Variants in SUFU observed in about 807,000 individuals in gnomAD.
SUFU encodes SUFU negative regulator of hedgehog signaling, also known as suppressor of fused homolog.
In SUFU, 7 loss-of-function variants were observed where a neutral mutation model predicts 58.9. That is an observed-to-expected ratio of 0.12 (90% CI 0.07 to 0.22). The LOEUF (loss-of-function observed/expected upper bound fraction) is 0.22, where lower values mean the gene tolerates loss of function less well. Ranked by LOEUF, SUFU falls within the 10% of genes least tolerant of loss-of-function variation. The pLI is 1.00. For missense variants in SUFU, 451 were observed against 641.3 expected (o/e 0.70, Z 3.20); for synonymous variants, 232 against 254.8 (o/e 0.91, Z 0.85).
chr10:102,594,577 G>A (rs2063441208), intron 6 of SUFU, among the ~76,000 whole-genome samples: 1 of 152,162 alleles, frequency 6.6e-6, no homozygotes, highest in African/African-American at 2.4e-5. Flanking sequence ...CTCCTAGCCT[G>A]GAAAGATTGG....
chr10:102,614,629 A>G (rs989605761), intron 8 of SUFU, among the ~76,000 whole-genome samples: 2 of 150,958 alleles, frequency 1.3e-5, no homozygotes, highest in Non-Finnish European at 3.0e-5. Context: ...TAATCCCAGC[A>G]CTTTGGGAGG....
At chr10:102,593,319 G>C (rs1170251673) in intron 4 of SUFU, among the ~76,000 whole-genome samples, 1 of 152,184 alleles carries the variant, frequency 6.6e-6, no homozygotes, top group African/African-American at 2.4e-5. Flanking sequence ...TACTTCCAGA[G>C]ACATGGCCTG....
At chr10:102,543,064 A>T (rs1044052868) in intron 2 of SUFU, among the ~76,000 whole-genome samples, 1 of 152,202 alleles carries the variant, frequency 6.6e-6, no homozygotes, top group African/African-American at 2.4e-5. Flanking sequence ...TTTTGCAATT[A>T]TAAGTTCTTA....
intron 7 of SUFU, 59 bp from the exon 8 acceptor site, chr10:102,599,374 G>C (rs1344978682): frequency 7.6e-7 from 1 of 1,309,196 alleles, no homozygotes; most frequent in East Asian, 2.3e-5. Flanking sequence ...TTTCAAGAGC[G>C]GGGTGAGAAT....
intron 3 of SUFU, among the ~76,000 whole-genome samples, chr10:102,592,104 A>T (rs1372386724): frequency 1.3e-5 from 2 of 152,186 alleles, no homozygotes; most frequent in African/African-American, 2.4e-5. Flanking sequence ...CCAAGGTTCG[A>T]TGTTTCCTTC....
chr10:102,541,698 T>TTTC (rs1241019115), intron 2 of SUFU, among the ~76,000 whole-genome samples: 2 of 31,666 alleles, frequency 6.3e-5, no homozygotes, highest in Non-Finnish European at 1.6e-4. Context: ...CGCGCCCGGC[T>TTTC]TTTTTTTTTT....
In SUFU at chr10:102,633,411, C is replaced by G. The variant is rs1488924535; in HGVS notation, c.*3256C>G. 2 of 232,974 alleles carry G rather than the reference C, an allele frequency of 8.6e-6. No individual in the cohort carries two copies. Among genetic ancestry groups the G allele is most frequent in the Non-Finnish European group, 1.7e-5 (2 of 117,674 alleles). The allele number at this position is 232,974 out of a possible 1,614,324, so 14.4% of individuals were successfully genotyped here. ...TTAGATGTCGTTTCCTTCTTGCCCC[C>G]TCTTCCTCTCTGTAATCTAAGTGCA... On this transcript the variant is annotated 3_prime_UTR_variant, in exon 12 of 12. Coordinates refer to ENST00000369902, the MANE Select transcript of SUFU (RefSeq NM_016169.4).
chr10:102,535,256 G>A (rs1219084314), intron 2 of SUFU, among the ~76,000 whole-genome samples: 1 of 152,202 alleles, frequency 6.6e-6, no homozygotes, highest in Admixed American at 6.5e-5. Context: ...GGAGGCTGAG[G>A]CAGGCGGATC....
At chr10:102,569,284 T>G (rs1352399483) in intron 3 of SUFU, among the ~76,000 whole-genome samples, 1 of 152,142 alleles carries the variant, frequency 6.6e-6, no homozygotes, top group Non-Finnish European at 1.5e-5. Context: ...TGTTCTCACC[T>G]GTAGTCATGG....
chr10:102,589,442 C>CTTTTTTTTTTTT (rs747625757), intron 3 of SUFU, among the ~76,000 whole-genome samples: 1,909 of 65,366 alleles, frequency 0.029, 230 homozygotes, highest in Middle Eastern at 0.094. Flanking sequence ...TTCTTTCTTT[C>CTTTTTTTTTTTT]TTTTTTTTTT....
Position 102,619,360 on chromosome 10 carries a change from TG to T in SUFU, c.1296+1934del. The stretch of plus-strand genomic sequence containing the variant: ...CAGCACCCGCTGGCTCCCCAGCACA[TG>T]GTCCCCTCCCATGGGCTGTTGCCCA... On this transcript the variant is annotated intron_variant, in intron 10 of 11. Transcript: ENST00000369902. This position sits in a 1 kb window ranked among gnomAD's most constrained non-coding sequence, Gnocchi z 4.2. 1.4e-6 allele frequency: 2 copies of T among 1,416,212 alleles called. No individual in the cohort carries two copies. The highest frequency in any genetic ancestry group is 1.8e-6 in the Non-Finnish European group (2 of 1,087,222). 87.7% of individuals were successfully genotyped at this position (1,416,212 alleles called of 1,614,324 possible).
intron 3 of SUFU, among the ~76,000 whole-genome samples, chr10:102,590,400 C>T (rs887708586): frequency 6.6e-6 from 1 of 151,756 alleles, no homozygotes; most frequent in Non-Finnish European, 1.5e-5. Flanking sequence ...CTCCTGACCT[C>T]GTGATCCGCG....
chr10:102,564,148 AG>A (rs1451256091), intron 3 of SUFU, among the ~76,000 whole-genome samples: 1 of 152,244 alleles, frequency 6.6e-6, no homozygotes, highest in African/African-American at 2.4e-5. Flanking sequence ...GAAGTCAGGA[AG>A]GTTGAGTGAG....
At chr10:102,517,693 TTTCAG>T (rs1369346451) in intron 2 of SUFU, among the ~76,000 whole-genome samples, 2 of 152,200 alleles carry the variant, frequency 1.3e-5, no homozygotes, top group African/African-American at 4.8e-5. Flanking sequence ...TCATTTCTTG[TTTCAG>T]TTCTGATGTT....
At chr10:102,594,340 A>G (rs919867347) in intron 6 of SUFU, among the ~76,000 whole-genome samples, 2 of 152,228 alleles carry the variant, frequency 1.3e-5, no homozygotes, top group African/African-American at 4.8e-5. Flanking sequence ...TTAGATTGCC[A>G]GCAATAAAAG....
intron 10 of SUFU, among the ~76,000 whole-genome samples, chr10:102,626,054 C>G (rs557193920): frequency 1.3e-5 from 2 of 152,150 alleles, no homozygotes; most frequent in Admixed American, 6.5e-5. Flanking sequence ...TACCTGGGTG[C>G]TCAAGGTGTA....
chr10:102,627,279 G>C (rs760574397), intron 11 of SUFU, 36 bp downstream of exon 11: 1 of 1,566,682 alleles, frequency 6.4e-7, no homozygotes, highest in South Asian at 1.1e-5. Context: ...AACAGGTCCC[G>C]TCTCTGGGAC....
intron 2 of SUFU, among the ~76,000 whole-genome samples, chr10:102,521,675 G>A (rs2062553660): frequency 6.6e-6 from 1 of 152,142 alleles, no homozygotes; most frequent in African/African-American, 2.4e-5. Flanking sequence ...GCTTAACCTT[G>A]CCTTTGATGA....
chr10:102,606,519 A>C (rs1238452190), intron 8 of SUFU, among the ~76,000 whole-genome samples: 1 of 152,192 alleles, frequency 6.6e-6, no homozygotes, highest in African/African-American at 2.4e-5. Context: ...ATCAGACTGC[A>C]GGGATTAAGT....
Sources: allele counts gnomAD v4.1 joint callset (sites outside exome capture counted in the v4.1 genomes callset), GRCh38; gene constraint gnomAD v4.1.1; non-coding constraint Gnocchi (gnomAD v3.1); transcripts MANE v1.5; gene names NCBI Gene and HGNC (gene_info 2026-07-23, HGNC 2026-07-21).